The following EPHB1 variants were observed in gnomAD, a reference collection of about 807,000 sequenced individuals.
EPHB1 encodes the protein EPH receptor B1, also known as ephrin type-B receptor 1.
In EPHB1, 30 loss-of-function variants were observed where a neutral mutation model predicts 94.4. That is an observed-to-expected ratio of 0.32 (90% CI 0.24 to 0.43). The LOEUF is 0.43. EPHB1 is among the 20% of genes least tolerant of loss of function. EPHB1 has a pLI of 1.00. For synonymous variants in EPHB1, 522 were observed against 489.1 expected (o/e 1.07, Z -0.89); for missense variants, 1,055 against 1,308.3 (o/e 0.81, Z 2.99).
At chr3:135,208,240 A>G (rs1942949462) in intron 12 of EPHB1, among the ~76,000 whole-genome samples, 1 of 150,668 alleles carries the variant, frequency 6.6e-6, no homozygotes, top group South Asian at 2.1e-4. Context: ...ATCTTCCCCA[A>G]ACGCTGTGAT....
chr3:134,841,979 G>A (rs989252383), intron 1 of EPHB1, among the ~76,000 whole-genome samples: 4 of 152,128 alleles, frequency 2.6e-5, no homozygotes, highest in African/African-American at 9.7e-5. Flanking sequence ...CCCACACATT[G>A]TTGCAGTGGT....
rs941390206 is a variant in EPHB1 at position 135,258,953 on chromosome 3, G to A, written c.2847-59G>A. On this transcript the variant is annotated intron_variant, in intron 15 of 15. Transcript: ENST00000398015. ...GAACATGGCTTTAGTGATGAGTTTTGATCTGCGAAAAGCTAACCTAACACT... is the reference window on the plus strand; with the variant it reads ...GAACATGGCTTTAGTGATGAGTTTTAATCTGCGAAAAGCTAACCTAACACT... The A allele has an allele frequency of 2.2e-6, 3 of 1,338,690 alleles. No homozygotes were observed. The African/African-American group carries it at 4.4e-5, about 19-fold the overall frequency. 82.9% of individuals were successfully genotyped at this position (1,338,690 alleles called of 1,614,324 possible).
chr3:135,110,461 G>A (rs1197108583), intron 4 of EPHB1, among the ~76,000 whole-genome samples: 1 of 152,164 alleles, frequency 6.6e-6, no homozygotes, highest in Non-Finnish European at 1.5e-5. Context: ...GAAGCTTAGT[G>A]GCAGGGGCAG....
rs552938315 is a variant in EPHB1, at chr3:134,880,894, T to A, written c.59-44922T>A. Among the ~76,000 whole-genome samples the A allele has an allele frequency of 2.6e-5, 4 of 152,360 alleles. No homozygotes were observed. In the South Asian group the frequency reaches 8.3e-4, roughly 32 times the overall value. On this transcript the variant is annotated intron_variant, in intron 1 of 15. Transcript: ENST00000398015. The stretch of plus-strand genomic sequence containing the variant: ...TAAGAGGGATGGAATATTATCGCTT[T>A]ATCTGTGAGAGGAAGAGATGATGTG...
At chr3:135,244,745 C>T (rs1943879305) in intron 13 of EPHB1, among the ~76,000 whole-genome samples, 1 of 152,096 alleles carries the variant, frequency 6.6e-6, no homozygotes, top group Admixed American at 6.5e-5. Flanking sequence ...AATTTTATTG[C>T]TCAGAAATTT....
intron 1 of EPHB1, among the ~76,000 whole-genome samples, chr3:134,913,195 C>T (rs1012861761): frequency 6.6e-5 from 10 of 151,966 alleles, no homozygotes; most frequent in Non-Finnish European, 1.2e-4. Flanking sequence ...GAGGCCAAAG[C>T]GAGGGAGGCC....
intron 3 of EPHB1, among the ~76,000 whole-genome samples, chr3:135,008,476 C>G (rs1935503432): frequency 6.6e-6 from 1 of 152,166 alleles, no homozygotes; most frequent in South Asian, 2.1e-4. Flanking sequence ...AAAGCTCAGC[C>G]TCCATGATAT....
intron 3 of EPHB1, among the ~76,000 whole-genome samples, chr3:135,046,197 T>C (rs1019880986): frequency 6.6e-6 from 1 of 152,250 alleles, no homozygotes; most frequent in Admixed American, 6.5e-5. Flanking sequence ...TATTGGAGTC[T>C]GATAATTTTC....
At chr3:134,867,151 A>G (rs994154345) in intron 1 of EPHB1, among the ~76,000 whole-genome samples, 5 of 152,182 alleles carry the variant, frequency 3.3e-5, no homozygotes, top group African/African-American at 1.2e-4. Flanking sequence ...GTGTAGGCCA[A>G]TCCCTCTTGT....
chr3:135,233,884 C>T (rs1411753641), intron 12 of EPHB1, among the ~76,000 whole-genome samples: 1 of 152,102 alleles, frequency 6.6e-6, no homozygotes, highest in African/African-American at 2.4e-5. Flanking sequence ...ACCTTGACCC[C>T]TTTTGGCCAT....
At chr3:134,970,846 C>T (rs1192026704) in intron 3 of EPHB1, among the ~76,000 whole-genome samples, 5 of 152,138 alleles carry the variant, frequency 3.3e-5, no homozygotes, top group South Asian at 2.1e-4. Context: ...CTCACTCACC[C>T]GCCTACCATA....
At chr3:135,250,063 G>A (rs1344804970) in intron 15 of EPHB1, among the ~76,000 whole-genome samples, 1 of 152,160 alleles carries the variant, frequency 6.6e-6, no homozygotes, top group Non-Finnish European at 1.5e-5. Context: ...TTTCCCCCAA[G>A]AATGTTCTGA....
At chr3:135,248,266 T>A in intron 13 of EPHB1, 50 bp from the exon 14 acceptor site, 1 of 1,471,750 alleles carries the variant, frequency 6.8e-7, no homozygotes, top group Non-Finnish European at 9.1e-7. Flanking sequence ...TGTGAGTGAC[T>A]GGCTGGTGGC....
chr3:134,925,934 T>C, intron 2 of EPHB1, 54 bp downstream of exon 2: 1 of 1,489,458 alleles, frequency 6.7e-7, no homozygotes, highest in Non-Finnish European at 9.2e-7. Context: ...TGGATCCATA[T>C]GATATCTAGG....
intron 3 of EPHB1, among the ~76,000 whole-genome samples, chr3:135,093,341 C>T (rs1160065246): frequency 1.3e-5 from 2 of 152,170 alleles, no homozygotes; most frequent in Non-Finnish European, 2.9e-5. Flanking sequence ...GTCCTGCTGC[C>T]AGTGGGGCCT....
At chr3:135,224,235 C>T (rs1453261335) in intron 12 of EPHB1, among the ~76,000 whole-genome samples, 2 of 152,182 alleles carry the variant, frequency 1.3e-5, no homozygotes, top group Non-Finnish European at 2.9e-5. Flanking sequence ...GAATGTGTCT[C>T]CATTGTTAAG....
At chr3:135,062,138 G>A (rs1202640880) in intron 3 of EPHB1, among the ~76,000 whole-genome samples, 1 of 152,200 alleles carries the variant, frequency 6.6e-6, no homozygotes, top group East Asian at 1.9e-4. Flanking sequence ...TGTGAATTGT[G>A]CTGCTTTAAA....
intron 2 of EPHB1, among the ~76,000 whole-genome samples, chr3:134,939,377 G>C (rs2039072104): frequency 6.6e-6 from 1 of 151,780 alleles, no homozygotes; most frequent in South Asian, 2.1e-4. Flanking sequence ...TAATGAATGG[G>C]GGGTGGGGGG....
In EPHB1 at chr3:135,255,523, G is replaced by A. The variant is rs866255132; in HGVS notation, c.2847-3489G>A. ...TTGTTCAGTTTCCATGTAGTTGAGC[G>A]GTTTTGAGTGAGATTCTTAATCCTG... is the stretch of plus-strand genomic sequence containing the variant. On this transcript the variant is annotated intron_variant, in intron 15 of 15. Coordinates refer to ENST00000398015, the MANE Select transcript of EPHB1 (RefSeq NM_004441.5). 4.4e-3 allele frequency among the ~76,000 whole-genome samples: 638 copies of A among 145,910 alleles called. 6 individuals carry two copies. The highest frequency in any genetic ancestry group is 0.014 in the African/African-American group (535 of 39,284).
Sources: gnomAD v4.1 joint callset for allele counts (sites outside exome capture counted in the v4.1 genomes callset) on GRCh38, gnomAD v4.1.1 for gene constraint, MANE v1.5 for transcripts, NCBI Gene and HGNC (gene_info 2026-07-23, HGNC 2026-07-21) for gene names.